RAB38: variants seen among roughly 807,000 people sequenced by gnomAD.
RAB38 encodes the protein ras-related protein Rab-38.
In RAB38, 15 loss-of-function variants were observed where a neutral mutation model predicts 18.4. That is an observed-to-expected ratio of 0.82 (90% CI 0.55 to 1.26). The LOEUF (loss-of-function observed/expected upper bound fraction) is 1.26, where lower values mean the gene tolerates loss of function less well. Among genes scored for constraint, RAB38 ranks in the 50% most tolerant of loss-of-function variants. The pLI is 0.00. For synonymous variants in RAB38, 101 were observed against 104.4 expected (o/e 0.97, Z 0.20); for missense variants, 294 against 267.4 (o/e 1.10, Z -0.69).
the RAB38 span, among the ~76,000 whole-genome samples, chr11:88,014,950 C>T: frequency 1.2e-3 from 182 of 152,194 alleles, 3 homozygotes; most frequent in East Asian, 0.018. Flanking sequence ...GGAGACACAA[C>T]ATCCAGGAAT....
the RAB38 span, among the ~76,000 whole-genome samples, chr11:87,912,754 TTTTC>T: frequency 2.3e-5 from 2 of 87,530 alleles, no homozygotes; most frequent in African/African-American, 3.4e-5. Context: ...TTGGGTTTAA[TTTTC>T]TTTCTTTCTT....
the RAB38 span, among the ~76,000 whole-genome samples, chr11:88,034,348 T>G: frequency 6.6e-6 from 1 of 152,246 alleles, no homozygotes; most frequent in East Asian, 1.9e-4. Context: ...GCATAAGCTT[T>G]TATTCTATGG....
chr11:87,852,601 A>AAT, the RAB38 span, among the ~76,000 whole-genome samples: 5 of 152,160 alleles, frequency 3.3e-5, no homozygotes, highest in Non-Finnish European at 7.3e-5. Flanking sequence ...CAACAGATTC[A>AAT]AGTTTTAATA....
chr11:88,042,575 G>A, the RAB38 span, among the ~76,000 whole-genome samples: 1 of 152,212 alleles, frequency 6.6e-6, no homozygotes, highest in Non-Finnish European at 1.5e-5. Flanking sequence ...GCCAGAGAGT[G>A]TGCAAGGGAG....
intron 1 of RAB38, among the ~76,000 whole-genome samples, chr11:88,169,860 G>C (rs573369140): frequency 1.3e-5 from 2 of 152,178 alleles, no homozygotes; most frequent in African/African-American, 2.4e-5. Flanking sequence ...TTGTTTTTGT[G>C]TCATCATGCT....
intron 2 of RAB38, among the ~76,000 whole-genome samples, chr11:88,135,548 T>C (rs1213200620): frequency 6.6e-6 from 1 of 152,232 alleles, no homozygotes; most frequent in Non-Finnish European, 1.5e-5. Context: ...GGCATGCCAC[T>C]TTGGGGGTTA....
chr11:87,905,291 G>C, the RAB38 span, among the ~76,000 whole-genome samples: 21 of 151,330 alleles, frequency 1.4e-4, no homozygotes, highest in African/African-American at 5.1e-4. Flanking sequence ...TTAAGTCCTT[G>C]ACCATATTTA....
At chr11:88,014,688 G>T in the RAB38 span, among the ~76,000 whole-genome samples, 1 of 152,070 alleles carries the variant, frequency 6.6e-6, no homozygotes, top group East Asian at 1.9e-4. Context: ...GTTTTGGGGA[G>T]GATCCTTCCT....
chr11:88,174,639 A>C (rs937752372), intron 1 of RAB38, among the ~76,000 whole-genome samples: 2 of 125,520 alleles, frequency 1.6e-5, no homozygotes, highest in African/African-American at 2.8e-5. Context: ...AAAAAAAAAA[A>C]AACAAAACAA....
At chr11:88,174,823 G>C (rs1222995509) in intron 1 of RAB38, among the ~76,000 whole-genome samples, 2 of 152,320 alleles carry the variant, frequency 1.3e-5, no homozygotes. Flanking sequence ...GGAAGGACGT[G>C]CGTGACACTG....
the RAB38 span, among the ~76,000 whole-genome samples, chr11:87,946,483 G>A: frequency 6.6e-6 from 1 of 152,052 alleles, no homozygotes; most frequent in Non-Finnish European, 1.5e-5. Flanking sequence ...TTGGTGTGCT[G>A]CACCCATTAA....
chr11:87,867,649 T>G, the RAB38 span, among the ~76,000 whole-genome samples: 2 of 151,828 alleles, frequency 1.3e-5, no homozygotes, highest in East Asian at 3.9e-4. Context: ...AGAACCATAA[T>G]TGAAAGTCTG....
At chr11:87,860,195 A>G in the RAB38 span, among the ~76,000 whole-genome samples, 1 of 152,046 alleles carries the variant, frequency 6.6e-6, no homozygotes, top group African/African-American at 2.4e-5. Flanking sequence ...TGTTCATCAT[A>G]TAATTATAGT....
At chr11:87,900,020 T>C in the RAB38 span, among the ~76,000 whole-genome samples, 3 of 151,542 alleles carry the variant, frequency 2.0e-5, no homozygotes, top group African/African-American at 7.3e-5. Flanking sequence ...TACTGACTTA[T>C]CTCTGAACGA....
chr11:87,865,784 G>A, the RAB38 span, among the ~76,000 whole-genome samples: 1 of 151,684 alleles, frequency 6.6e-6, no homozygotes, highest in Admixed American at 6.6e-5. Flanking sequence ...ACCAGTCAGG[G>A]TAAATATATG....
the RAB38 span, among the ~76,000 whole-genome samples, chr11:88,077,164 A>G: frequency 6.6e-6 from 1 of 151,964 alleles, no homozygotes; most frequent in Non-Finnish European, 1.5e-5. Context: ...ATGGAAAGTT[A>G]TTACATATTC....
the RAB38 span, among the ~76,000 whole-genome samples, chr11:87,927,711 G>A: frequency 6.6e-6 from 1 of 151,872 alleles, no homozygotes; most frequent in Admixed American, 6.6e-5. Flanking sequence ...CTTGTTGTCA[G>A]CCTTAGGCAA....
intron 2 of RAB38, among the ~76,000 whole-genome samples, chr11:88,135,108 C>T (rs1942817895): frequency 6.6e-6 from 1 of 152,078 alleles, no homozygotes; most frequent in Admixed American, 6.6e-5. Context: ...AAAACAACAA[C>T]AACAACAAAA....
chr11:87,806,914 C>A, the RAB38 span, among the ~76,000 whole-genome samples: 28 of 152,104 alleles, frequency 1.8e-4, no homozygotes, highest in Admixed American at 3.3e-4. Flanking sequence ...ATATTTGAGA[C>A]AAATGAAATT....
Sources: allele counts gnomAD v4.1 joint callset (sites outside exome capture counted in the v4.1 genomes callset), GRCh38; gene constraint gnomAD v4.1.1; transcripts MANE v1.5; gene names NCBI Gene and HGNC (gene_info 2026-07-23, HGNC 2026-07-21).